The following WDR17 variants were observed in gnomAD, a reference collection of about 807,000 sequenced individuals.
The protein encoded by WDR17 is WD repeat domain 17.
WDR17 carries 143 observed loss-of-function variants against 161.7 expected under a neutral mutation model. The observed-to-expected ratio is 0.88, with a 90% CI of 0.77 to 1.02. The LOEUF is 1.02. WDR17 is among the 50% of genes least tolerant of loss of function. The probability of loss-of-function intolerance (pLI) is 0.00; values close to 1 mark genes in which losing one functional copy is unlikely to be tolerated. For synonymous variants in WDR17, 517 were observed against 515.6 expected, an observed-to-expected ratio of 1.00 and a Z score of -0.04; for missense variants, 1,469 against 1,520.9, an observed-to-expected ratio of 0.97 and a Z score of 0.57.
chr4:176,101,159 T>A (rs1737765714), intron 1 of WDR17, among the ~76,000 whole-genome samples: 1 of 152,092 alleles, frequency 6.6e-6, no homozygotes, highest in African/African-American at 2.4e-5. Context: ...AGAGCGTAAC[T>A]CTGGGGTTTT....
intron 25 of WDR17, among the ~76,000 whole-genome samples, chr4:176,174,287 G>A (rs1395188525): frequency 6.6e-6 from 1 of 152,046 alleles, no homozygotes; most frequent in Non-Finnish European, 1.5e-5. Context: ...AGTCTACACG[G>A]TATTCCAGGA....
At chr4:176,115,280 A>C (rs1444467980) in intron 2 of WDR17, among the ~76,000 whole-genome samples, 1 of 151,988 alleles carries the variant, frequency 6.6e-6, no homozygotes, top group African/African-American at 2.4e-5. Flanking sequence ...TTTTCTATTT[A>C]TGTATAAAAA....
At chr4:176,096,797 A>G (rs888075939) in intron 1 of WDR17, among the ~76,000 whole-genome samples, 3 of 151,834 alleles carry the variant, frequency 2.0e-5, no homozygotes, top group Non-Finnish European at 4.4e-5. Context: ...ATTTTTTTCT[A>G]TCCTAATTTC....
intron 5 of WDR17, among the ~76,000 whole-genome samples, chr4:176,127,029 C>G (rs1215691559): frequency 2.0e-5 from 3 of 152,048 alleles, no homozygotes; most frequent in Non-Finnish European, 4.4e-5. Context: ...TTGGGTATGT[C>G]TTTATAGCAG....
chr4:176,105,040 A>AT (rs1317070100), intron 1 of WDR17, among the ~76,000 whole-genome samples: 1 of 151,906 alleles, frequency 6.6e-6, no homozygotes, highest in Non-Finnish European at 1.5e-5. Flanking sequence ...GATGAAAAAA[A>AT]TTTTTTCCAT....
At chr4:176,084,532 A>G (rs974077218) in intron 1 of WDR17, among the ~76,000 whole-genome samples, 11 of 151,994 alleles carry the variant, frequency 7.2e-5, no homozygotes, top group Non-Finnish European at 1.5e-4. Flanking sequence ...AGGGAGGACA[A>G]ACATCCAAAT....
At chr4:176,088,377 A>G (rs1262248853) in intron 1 of WDR17, among the ~76,000 whole-genome samples, 8 of 152,068 alleles carry the variant, frequency 5.3e-5, no homozygotes, top group Non-Finnish European at 1.2e-4. Context: ...TTGAGCCCAA[A>G]ACTTTGAGGC....
intron 1 of WDR17, among the ~76,000 whole-genome samples, chr4:176,074,356 A>C (rs1041528637): frequency 8.4e-6 from 1 of 118,420 alleles, no homozygotes; most frequent in Non-Finnish European, 1.9e-5. Context: ...TCTATTCCAC[A>C]GATTATCTTG....
intron 17 of WDR17, among the ~76,000 whole-genome samples, chr4:176,152,884 G>A (rs572506163): frequency 7.9e-5 from 12 of 151,092 alleles, no homozygotes; most frequent in African/African-American, 1.2e-4. Flanking sequence ...GCACGGAGCC[G>A]AGATCGCACC....
At chr4:176,119,719 A>G in intron 3 of WDR17, 148 bp from the exon 4 acceptor site, 1 of 737,532 alleles carries the variant, frequency 1.4e-6, no homozygotes, top group African/African-American at 1.8e-5. Context: ...AGTCTTTGGG[A>G]TTTCTTTATA....
intron 5 of WDR17, among the ~76,000 whole-genome samples, chr4:176,126,059 CAT>C: frequency 6.6e-6 from 1 of 152,152 alleles, no homozygotes; most frequent in Non-Finnish European, 1.5e-5. Flanking sequence ...TATATTAATC[CAT>C]TCATAAGAGT....
chr4:176,084,849 A>G (rs1446618220), intron 1 of WDR17, among the ~76,000 whole-genome samples: 1 of 149,896 alleles, frequency 6.7e-6, no homozygotes. Context: ...ATGCAGAATC[A>G]TTTACTGAAA....
chr4:176,143,279 A>C lies in WDR17; in HGVS notation c.1529+1210A>C, dbSNP rs909643094. 2.6e-5 allele frequency among the ~76,000 whole-genome samples: 4 copies of C among 152,332 alleles called. 1 individual carries two copies. On this transcript the variant is annotated intron_variant, in intron 11 of 28. Transcript: ENST00000508596. ...ATATTGCTAACAAGGAAAACTGCTA[A>C]AGCCAGAATCCTTAGCCTTTTCTTT... is the stretch of plus-strand genomic sequence containing the variant.
intron 2 of WDR17, among the ~76,000 whole-genome samples, chr4:176,113,059 G>T (rs915793110): frequency 6.6e-6 from 1 of 151,934 alleles, no homozygotes; most frequent in Admixed American, 6.6e-5. Flanking sequence ...CTACCAAAAT[G>T]GAACTTCAAT....
chr4:176,106,342 A>G (rs1431451572), intron 1 of WDR17, among the ~76,000 whole-genome samples: 2 of 152,026 alleles, frequency 1.3e-5, no homozygotes, highest in Admixed American at 6.5e-5. Context: ...ATATGGCCAA[A>G]TATCTTTTGC....
intron 1 of WDR17, among the ~76,000 whole-genome samples, chr4:176,084,558 G>T (rs928127124): frequency 1.3e-5 from 2 of 151,668 alleles, no homozygotes; most frequent in African/African-American, 2.4e-5. Flanking sequence ...CAATAAGTTT[G>T]TAACCATAAT....
chr4:176,072,540 A>G (rs34949811), intron 1 of WDR17, among the ~76,000 whole-genome samples: 29,101 of 152,230 alleles, frequency 0.19, 3,070 homozygotes, highest in South Asian at 0.27. Flanking sequence ...GTATGTTGCT[A>G]TCTATCACAA....
At chr4:176,093,468 C>T (rs1736398685) in intron 1 of WDR17, among the ~76,000 whole-genome samples, 1 of 152,072 alleles carries the variant, frequency 6.6e-6, no homozygotes, top group Non-Finnish European at 1.5e-5. Context: ...ACAATGAAAA[C>T]TACTTTACTT....
chr4:176,179,498 C>T lies in WDR17; in HGVS notation c.3771C>T (p.Ile1257=). Residue 1257 remains isoleucine (I), a synonymous_variant, in exon 29 of 29, where the codon ATC becomes ATT. Transcript: ENST00000508596. ...TCCTTGAAGACGGGAAATCTGCTAT[C>T]TCCTTGAATGATGCTTTGATGTGGG... The part of the protein sequence containing the change: ...VFFLEDGKSA[I]SLNDALMWAK... The T allele has an allele frequency of 6.2e-7, 1 of 1,605,762 alleles. No individual in the cohort carries two copies. The highest frequency in any genetic ancestry group is 8.5e-7 in the Non-Finnish European group (1 of 1,175,398).
Sources: gnomAD v4.1 joint callset for allele counts (sites outside exome capture counted in the v4.1 genomes callset) on GRCh38, gnomAD v4.1.1 for gene constraint, MANE v1.5 for transcripts, NCBI Gene and HGNC (gene_info 2026-07-23, HGNC 2026-07-21) for gene names.